PCDHB16: variants seen among roughly 807,000 people sequenced by gnomAD.
PCDHB16 encodes the protein protocadherin beta 16, also known as protocadherin beta-16.
For missense variants in PCDHB16, 1,026 were observed against 989.9 expected (o/e 1.04, Z -0.49); for synonymous variants, 444 against 436.5 (o/e 1.02, Z -0.21).
Position 141,183,621 on chromosome 5 carries a change from C to A in PCDHB16, c.1062C>A (p.Ser354Arg), listed in dbSNP as rs775478995. ...PPQVTMSALT[S>R]PIPENSPEIV... ...AGGTGACCATGTCTGCACTCACCAG[C>A]CCCATCCCAGAGAACTCGCCTGAGA... The change falls in exon 1 of 1, where the codon AGC (serine) becomes AGA (arginine). Residue 354 changes from serine (S) to arginine (R), a missense_variant. By Grantham distance (110) the Ser-to-Arg change is moderately radical. Transcript: ENST00000609684. The A allele has an allele frequency of 3.9e-5, 63 of 1,614,042 alleles. No individual in the cohort carries two copies. The highest frequency in any genetic ancestry group is 4.8e-5 in the Non-Finnish European group (57 of 1,180,036).
chr5:141,183,657 T>A lies in PCDHB16; in HGVS notation c.1098T>A (p.Ala366=). The change falls in exon 1 of 1, where the codon GCT becomes GCA. Residue 366 remains alanine, a synonymous_variant. Coordinates refer to ENST00000609684, the MANE Select transcript of PCDHB16 (RefSeq NM_020957.4). ...IPENSPEIVV[A]VFSVSDPDSG... ...AGAACTCGCCTGAGATAGTAGTTGC[T>A]GTTTTCAGCGTTTCAGATCCTGACT... 6.2e-7 allele frequency: 1 copy of A among 1,614,214 alleles called. No homozygotes were observed. The highest frequency in any genetic ancestry group is 1.1e-5 in the South Asian group (1 of 91,080).
Position 141,185,791 on chromosome 5 carries a change from T to C in PCDHB16, c.*901T>C, listed in dbSNP as rs1753717314. The C allele has an allele frequency of 2.0e-6, 2 of 982,436 alleles. No homozygotes were observed. The highest frequency in any genetic ancestry group is 5.3e-4 in the Middle Eastern group (1 of 1,880). 60.9% of individuals were successfully genotyped at this position (982,436 alleles called of 1,614,324 possible). ...CTATTTTCCCTGTATTGGTATCTCC[T>C]TAAATAAAATAAAATATTCCTATTG... On this transcript the variant is annotated 3_prime_UTR_variant, in exon 1 of 1. Transcript: ENST00000609684.
rs1554282172 is a variant in PCDHB16 at position 141,183,547 on chromosome 5, A to C, written c.988A>C (p.Lys330Gln). 6.2e-7 allele frequency: 1 copy of C among 1,614,170 alleles called. No homozygotes were observed. Among genetic ancestry groups the C allele is most frequent in the Non-Finnish European group, 8.5e-7 (1 of 1,180,030 alleles). ...CACAGATGGGGGAGGTCTTTCAGGA[A>C]AGTGCACTCTTCTCCTGCAGGTGGT... ...KATDGGGLSG[K>Q]CTLLLQVVDV... The change falls in exon 1 of 1, where the codon AAG becomes CAG. Residue 330 changes from lysine to glutamine, a missense_variant. By Grantham distance (53) the Lys-to-Gln change is moderately conservative. Coordinates refer to ENST00000609684, the MANE Select transcript of PCDHB16 (RefSeq NM_020957.4).
rs1554282246 is a variant in PCDHB16 at position 141,183,978 on chromosome 5, C to T, written c.1419C>T (p.Val473=). The T allele has an allele frequency of 1.2e-6, 2 of 1,612,264 alleles. No individual in the cohort carries two copies. The highest frequency in any genetic ancestry group is 1.7e-6 in the Non-Finnish European group (2 of 1,179,848). Reference sequence around the variant, plus strand: ...GCCCCGCCCTGCACATCGGCAGCGTCAGCGCCACAGACAGAGACTCGGGCA... The same window carrying T: ...GCCCCGCCCTGCACATCGGCAGCGTTAGCGCCACAGACAGAGACTCGGGCA... ...NNSPALHIGS[V]SATDRDSGTN... Residue 473 remains valine, a synonymous_variant, in exon 1 of 1, where the codon GTC becomes GTT. Transcript: ENST00000609684.
chr5:141,183,303 A>C lies in PCDHB16; in HGVS notation c.744A>C (p.Lys248Asn). The C allele has an allele frequency of 6.2e-7, 1 of 1,614,148 alleles. No homozygotes were observed. Among genetic ancestry groups the C allele is most frequent in the South Asian group, 1.1e-5 (1 of 91,082 alleles). Residue 248 changes from lysine (K) to asparagine (N), a missense_variant, in exon 1 of 1, where the codon AAA becomes AAC. Transcript: ENST00000609684. ...CTGAGTTTGAGCAGCCCATCTACAA[A>C]GTGCAGATTCCAGAGAACAGTCCTC... Reference protein sequence around the residue: ...NAPEFEQPIYKVQIPENSPLG... With the variant: ...NAPEFEQPIYNVQIPENSPLG...
At position 141,183,194 on chromosome 5, in the gene PCDHB16, T is replaced by C. The variant is rs782326124; in HGVS notation, c.635T>C (p.Leu212Pro). Residue 212 changes from leucine (L) to proline (P), a missense_variant, in exon 1 of 1, where the codon CTG becomes CCG. Physicochemically the swap from Leu to Pro is moderately conservative, Grantham distance 98. Transcript: ENST00000609684. The stretch of plus-strand genomic sequence containing the variant: ...GAGGAGCCTCAACTAAGATTAACCC[T>C]GACAGCGCTGGATGGTGGCTCTCCA... ...REEEPQLRLT[L>P]TALDGGSPPR... 6.2e-7 allele frequency: 1 copy of C among 1,614,182 alleles called. No homozygotes were observed. Among genetic ancestry groups the C allele is most frequent in the South Asian group, 1.1e-5 (1 of 91,086 alleles).
Position 141,182,539 on chromosome 5 carries a change from C to T in PCDHB16, c.-21C>T, listed in dbSNP as rs782324090. The T allele has an allele frequency of 6.6e-7, 1 of 1,509,384 alleles. No individual in the cohort carries two copies. Among genetic ancestry groups the T allele is most frequent in the African/African-American group, 1.4e-5 (1 of 71,656 alleles). The allele number at this position is 1,509,384 out of a possible 1,614,324, so 93.5% of individuals were successfully genotyped here. A position where few individuals can be genotyped will look rare whatever the true frequency, so the allele number is the denominator to read the frequency against. On this transcript the variant is annotated 5_prime_UTR_variant, in exon 1 of 1. Transcript: ENST00000609684. ...TGGGGATACATGAAGCTTCTGTGAA[C>T]CAACTTTTCAAGAAAAAGCAATGGA...
chr5:141,184,371 C>T lies in PCDHB16; in HGVS notation c.1812C>T (p.Tyr604=), dbSNP rs1554282361. The change falls in exon 1 of 1, where the codon TAC becomes TAT. Residue 604 remains tyrosine (Y), a synonymous_variant. Coordinates refer to ENST00000609684, the MANE Select transcript of PCDHB16 (RefSeq NM_020957.4). ...GDSGQNAWLS[Y]QLLKATEPGL... ...CGGGCCAGAATGCCTGGCTGTCGTA[C>T]CAGCTGCTCAAGGCCACGGAGCCCG... The T allele has an allele frequency of 2.5e-6, 4 of 1,605,074 alleles. No homozygotes were observed. The highest frequency in any genetic ancestry group is 2.2e-4 in the Middle Eastern group (1 of 4,514).
Position 141,183,997 on chromosome 5 carries a change from T to G in PCDHB16, c.1438T>G (p.Ser480Ala), listed in dbSNP as rs1554282261. The change falls in exon 1 of 1, where the codon TCG (serine) becomes GCG (alanine). Residue 480 changes from serine (S) to alanine (A), a missense_variant. By Grantham distance (99) the Ser-to-Ala change is moderately conservative (BLOSUM62 1). Transcript: ENST00000609684. ...CAGCGTCAGCGCCACAGACAGAGAC[T>G]CGGGCACCAACGCCCAGGTCACCTA... The part of the protein sequence containing the change: ...IGSVSATDRD[S>A]GTNAQVTYSL... 1 of 1,609,622 alleles carries G rather than the reference T, an allele frequency of 6.2e-7. No homozygotes were observed. Among genetic ancestry groups the G allele is most frequent in the Non-Finnish European group, 8.5e-7 (1 of 1,179,352 alleles).
Position 141,183,107 on chromosome 5 carries a change from A to T in PCDHB16, c.548A>T (p.His183Leu), listed in dbSNP as rs782422312. 6 of 1,614,218 alleles carry T rather than the reference A, an allele frequency of 3.7e-6. No homozygotes were observed. The South Asian group carries it at 6.6e-5, about 18-fold the overall frequency. ...SPSSHFRVLI[H>L]EFRDGRKYPE... ...AGCTCTCATTTCCGGGTTCTAATCC[A>T]TGAATTCAGAGATGGCAGGAAATAC... The change falls in exon 1 of 1, where the codon CAT (histidine) becomes CTT (leucine). Residue 183 changes from histidine (H) to leucine (L), a missense_variant. His to Leu is a moderately conservative substitution (Grantham distance 99). Coordinates refer to ENST00000609684, the MANE Select transcript of PCDHB16 (RefSeq NM_020957.4).
chr5:141,184,893 C>T lies in PCDHB16; in HGVS notation c.*3C>T, dbSNP rs574637438. The T allele has an allele frequency of 6.2e-6, 10 of 1,613,502 alleles. No individual in the cohort carries two copies. In the Admixed American group the frequency reaches 6.7e-5, roughly 11 times the overall value. ...TTATCCCCAACTTCTCTCCTTAGGG[C>T]ACTAGGAAAGAAATAGATTAAAATT... On this transcript the variant is annotated 3_prime_UTR_variant, in exon 1 of 1. Transcript: ENST00000609684.
rs1753614100 is a variant in PCDHB16, at chr5:141,183,296, T to C, written c.737T>C (p.Ile246Thr). ...NDNAPEFEQPIYKVQIPENSP... is the reference protein window; with the variant it reads ...NDNAPEFEQPTYKVQIPENSP... The stretch of plus-strand genomic sequence containing the variant: ...AACGCTCCTGAGTTTGAGCAGCCCA[T>C]CTACAAAGTGCAGATTCCAGAGAAC... The change falls in exon 1 of 1, where the codon ATC (isoleucine) becomes ACC (threonine). Residue 246 changes from isoleucine to threonine, a missense_variant. By Grantham distance (89) the Ile-to-Thr change is moderately conservative. Coordinates refer to ENST00000609684, the MANE Select transcript of PCDHB16 (RefSeq NM_020957.4). 6.2e-7 allele frequency: 1 copy of C among 1,614,138 alleles called. No individual in the cohort carries two copies. Among genetic ancestry groups the C allele is most frequent in the Non-Finnish European group, 8.5e-7 (1 of 1,179,996 alleles).
In PCDHB16 at chr5:141,182,767, G is replaced by C; in HGVS notation, c.208G>C (p.Gly70Arg). 1 of 1,613,712 alleles carries C rather than the reference G, an allele frequency of 6.2e-7. No homozygotes were observed. Among genetic ancestry groups the C allele is most frequent in the Non-Finnish European group, 8.5e-7 (1 of 1,179,734 alleles). Residue 70 changes from glycine (G) to arginine (R), a missense_variant, in exon 1 of 1, where the codon GGG becomes CGG. Transcript: ENST00000609684. ...CCGCAAGGCCAGGATCATTTCCCAG[G>C]GGAACAAACAGCATTTGCAGCTCAA... Reference protein sequence around the residue: ...STRKARIISQGNKQHLQLKAQ... With the variant: ...STRKARIISQRNKQHLQLKAQ...
Position 141,182,848 on chromosome 5 carries a change from G to A in PCDHB16, c.289G>A (p.Gly97Ser), listed in dbSNP as rs1554282034. 5 of 1,614,106 alleles carry A rather than the reference G, an allele frequency of 3.1e-6. No individual in the cohort carries two copies. Among genetic ancestry groups the A allele is most frequent in the East Asian group, 4.5e-5 (2 of 44,874 alleles). ...NEKLDREELCGPTEPCILHFQ... is the reference protein window; with the variant it reads ...NEKLDREELCSPTEPCILHFQ... ...GAAGCTAGATCGAGAGGAGCTATGC[G>A]GTCCCACTGAGCCTTGCATACTACA... Residue 97 changes from glycine (G) to serine (S), a missense_variant, in exon 1 of 1, where the codon GGT becomes AGT. Coordinates refer to ENST00000609684, the MANE Select transcript of PCDHB16 (RefSeq NM_020957.4).
At position 141,185,010 on chromosome 5, in the gene PCDHB16, G is replaced by C; in HGVS notation, c.*120G>C. ...TTATGATTGTCTTGTTGATTAAATT[G>C]TTCATGCTCACCACCACCAATAAGG... On this transcript the variant is annotated 3_prime_UTR_variant, in exon 1 of 1. Transcript: ENST00000609684. The C allele has an allele frequency of 2.0e-6, 3 of 1,473,196 alleles. No homozygotes were observed. The highest frequency in any genetic ancestry group is 2.7e-6 in the Non-Finnish European group (3 of 1,112,228). The allele number at this position is 1,473,196 out of a possible 1,614,324, so 91.3% of individuals were successfully genotyped here.
rs534758127 is a variant in PCDHB16, at chr5:141,185,301, G to A, written c.*411G>A. ...TGCATGTATTAGGCATATTTCCTATGTTACATTTCTTTTGTCTATTTTCCT... is the reference window on the plus strand; with the variant it reads ...TGCATGTATTAGGCATATTTCCTATATTACATTTCTTTTGTCTATTTTCCT... On this transcript the variant is annotated 3_prime_UTR_variant, in exon 1 of 1. Transcript: ENST00000609684. 1.3e-4 allele frequency: 123 copies of A among 916,270 alleles called. No homozygotes were observed. The Middle Eastern group carries it at 2.3e-3, about 17-fold the overall frequency. 56.8% of individuals were successfully genotyped at this position (916,270 alleles called of 1,614,324 possible). A position where few individuals can be genotyped will look rare whatever the true frequency, so the allele number is the denominator to read the frequency against.
At position 141,183,590 on chromosome 5, in the gene PCDHB16, C is replaced by A; in HGVS notation, c.1031C>A (p.Pro344His). The A allele has an allele frequency of 6.2e-7, 1 of 1,614,080 alleles. No homozygotes were observed. ...LLQVVDVNDNPPQVTMSALTS... is the reference protein window; with the variant it reads ...LLQVVDVNDNHPQVTMSALTS... ...CAGGTGGTGGACGTGAATGACAATC[C>A]CCCACAGGTGACCATGTCTGCACTC... The change falls in exon 1 of 1, where the codon CCC (proline) becomes CAC (histidine). Residue 344 changes from proline to histidine, a missense_variant. Transcript: ENST00000609684.
Position 141,182,512 on chromosome 5 carries a change from C to G in PCDHB16, c.-48C>G. 6.8e-7 allele frequency: 1 copy of G among 1,480,714 alleles called. No individual in the cohort carries two copies. The highest frequency in any genetic ancestry group is 9.0e-7 in the Non-Finnish European group (1 of 1,105,538). The allele number at this position is 1,480,714 out of a possible 1,614,324, so 91.7% of individuals were successfully genotyped here. A position where few individuals can be genotyped will look rare whatever the true frequency, so the allele number is the denominator to read the frequency against. The stretch of plus-strand genomic sequence containing the variant: ...GACTGCAAAACAGTTCTACTAGGAT[C>G]CTGGGGATACATGAAGCTTCTGTGA... On this transcript the variant is annotated 5_prime_UTR_variant, in exon 1 of 1. In the 5' UTR this introduces an upstream ATG that the reference lacks. Transcript: ENST00000609684.
Position 141,183,725 on chromosome 5 carries a change from T to G in PCDHB16, c.1166T>G (p.Leu389Arg). 1.9e-6 allele frequency: 3 copies of G among 1,614,188 alleles called. No homozygotes were observed. Among genetic ancestry groups the G allele is most frequent in the Non-Finnish European group, 2.5e-6 (3 of 1,180,022 alleles). The change falls in exon 1 of 1, where the codon CTT becomes CGT. Residue 389 changes from leucine (L) to arginine (R), a missense_variant. Coordinates refer to ENST00000609684, the MANE Select transcript of PCDHB16 (RefSeq NM_020957.4). ...GKTISSIQED[L>R]PFLLKPSVKN... ...ACGATTTCCTCCATCCAGGAAGACC[T>G]TCCCTTTCTTCTAAAACCTTCAGTC...
Sources: allele counts gnomAD v4.1 joint callset, GRCh38; gene constraint gnomAD v4.1.1; transcripts MANE v1.5; gene names NCBI Gene and HGNC (gene_info 2026-07-23, HGNC 2026-07-21).